Variants in SUGCT observed in about 807,000 individuals in gnomAD.
SUGCT encodes the protein succinyl-CoA:glutarate-CoA transferase.
A neutral mutation model predicts 55.0 loss-of-function variants in SUGCT; 41 were observed. That is an observed-to-expected ratio of 0.74 (90% CI 0.58 to 0.97). SUGCT has a LOEUF of 0.97. SUGCT is among the 50% of genes least tolerant of loss of function. SUGCT has a pLI of 0.00. For synonymous variants in SUGCT, 187 were observed against 200.4 expected, an observed-to-expected ratio of 0.93 and a Z score of 0.56; for missense variants, 568 against 547.8, an observed-to-expected ratio of 1.04 and a Z score of -0.37.
At chr7:40,318,728 T>C (rs1795565774) in intron 9 of SUGCT, among the ~76,000 whole-genome samples, 1 of 152,244 alleles carries the variant, frequency 6.6e-6, no homozygotes. Flanking sequence ...TGAGCCACCA[T>C]GCCTGGCCTG....
chr7:40,526,153 A>G (rs768750874), intron 12 of SUGCT, among the ~76,000 whole-genome samples: 10 of 152,184 alleles, frequency 6.6e-5, no homozygotes, highest in Non-Finnish European at 1.2e-4. Flanking sequence ...CTCTGTTGCC[A>G]TTGATAGATG....
At chr7:40,914,183 G>C in the SUGCT span, among the ~76,000 whole-genome samples, 4 of 151,556 alleles carry the variant, frequency 2.6e-5, no homozygotes, top group African/African-American at 9.7e-5. Context: ...AGGGTTCCAG[G>C]CTTGTCCTAA....
chr7:40,562,298 C>CAA (rs113046606), intron 12 of SUGCT, among the ~76,000 whole-genome samples: 7,440 of 91,856 alleles, frequency 0.081, 259 homozygotes, highest in Middle Eastern at 0.16. Flanking sequence ...GATTCCGTCT[C>CAA]AAAAAAAAAA....
At chr7:40,493,249 A>G (rs1397683343) in intron 11 of SUGCT, among the ~76,000 whole-genome samples, 1 of 152,190 alleles carries the variant, frequency 6.6e-6, no homozygotes, top group Non-Finnish European at 1.5e-5. Flanking sequence ...TGAGTTTCCT[A>G]TTGGTCAAAT....
At chr7:40,643,208 T>C (rs1489180665) in intron 12 of SUGCT, among the ~76,000 whole-genome samples, 2 of 152,156 alleles carry the variant, frequency 1.3e-5, no homozygotes, top group Non-Finnish European at 2.9e-5. Flanking sequence ...TAAGAAGAAA[T>C]TAGACTGGTA....
At chr7:40,510,487 G>A (rs1049623034) in intron 12 of SUGCT, among the ~76,000 whole-genome samples, 6 of 152,026 alleles carry the variant, frequency 3.9e-5, no homozygotes, top group African/African-American at 1.2e-4. Context: ...GTCGGGGTGA[G>A]GGAGGAAAAA....
At chr7:40,977,955 C>T in the SUGCT span, among the ~76,000 whole-genome samples, 1 of 152,172 alleles carries the variant, frequency 6.6e-6, no homozygotes, top group African/African-American at 2.4e-5. Context: ...ACCCTTAAAC[C>T]TCGGCCATCT....
chr7:40,997,318 C>T, the SUGCT span, among the ~76,000 whole-genome samples: 1,283 of 152,284 alleles, frequency 8.4e-3, 19 homozygotes, highest in African/African-American at 0.028. Flanking sequence ...CAGGTCCTGC[C>T]ATCCCTCACC....
chr7:40,490,542 GT>G (rs1355066879), intron 11 of SUGCT, among the ~76,000 whole-genome samples: 1 of 152,148 alleles, frequency 6.6e-6, no homozygotes, highest in Non-Finnish European at 1.5e-5. Flanking sequence ...TTTCATTACA[GT>G]TTTTCTCAGT....
At chr7:40,657,722 G>A (rs1025125606) in intron 12 of SUGCT, among the ~76,000 whole-genome samples, 3 of 152,204 alleles carry the variant, frequency 2.0e-5, no homozygotes, top group Non-Finnish European at 4.4e-5. Flanking sequence ...TTTTAGTGGA[G>A]ACGGGGTTTC....
At chr7:41,032,188 G>C in the SUGCT span, among the ~76,000 whole-genome samples, 1 of 152,270 alleles carries the variant, frequency 6.6e-6, no homozygotes, top group Non-Finnish European at 1.5e-5. Flanking sequence ...TCCCCAGATA[G>C]GCCAAGTGCA....
At chr7:40,373,122 T>A (rs1426965993) in intron 9 of SUGCT, among the ~76,000 whole-genome samples, 1 of 151,880 alleles carries the variant, frequency 6.6e-6, no homozygotes, top group Non-Finnish European at 1.5e-5. Context: ...TCAGAAGAAG[T>A]AACACTATCG....
chr7:40,628,914 G>T (rs1799653211), intron 12 of SUGCT, among the ~76,000 whole-genome samples: 1 of 152,074 alleles, frequency 6.6e-6, no homozygotes, highest in Non-Finnish European at 1.5e-5. Context: ...CTAATTTTTT[G>T]TATTTTTGGT....
intron 13 of SUGCT, among the ~76,000 whole-genome samples, chr7:40,838,873 T>C (rs978945773): frequency 3.3e-5 from 5 of 152,114 alleles, no homozygotes; most frequent in African/African-American, 7.2e-5. Flanking sequence ...AAGGTAGCTA[T>C]TGGGTTTTGT....
the SUGCT span, among the ~76,000 whole-genome samples, chr7:41,010,568 G>A: frequency 1.3e-5 from 2 of 152,190 alleles, no homozygotes; most frequent in Non-Finnish European, 2.9e-5. Flanking sequence ...CTGGAACAGA[G>A]GGAACTTGGA....
intron 13 of SUGCT, among the ~76,000 whole-genome samples, chr7:40,776,319 G>T (rs1049982904): frequency 6.6e-6 from 1 of 152,194 alleles, no homozygotes; most frequent in African/African-American, 2.4e-5. Context: ...GGAGACTCCA[G>T]CCTTATTTAG....
chr7:40,156,834 G>T (rs141396122), intron 1 of SUGCT, among the ~76,000 whole-genome samples: 2,550 of 152,080 alleles, frequency 0.017, 70 homozygotes, highest in African/African-American at 0.06. Flanking sequence ...GGCCAACGTG[G>T]TGAAACCCCC....
chr7:40,827,117 A>G (rs1164184203), intron 13 of SUGCT, among the ~76,000 whole-genome samples: 1 of 152,354 alleles, frequency 6.6e-6, no homozygotes, highest in East Asian at 1.9e-4. Context: ...GAAGAAGCTC[A>G]GTGTACTTAG....
At chr7:40,217,492 A>G (rs1456572856) in intron 6 of SUGCT, 10 of 433,904 alleles carry the variant, frequency 2.3e-5, no homozygotes, top group Non-Finnish European at 4.2e-5. Flanking sequence ...GATTACAGGA[A>G]TGAGCCACCG....
Sources: gnomAD v4.1 joint callset for allele counts (sites outside exome capture counted in the v4.1 genomes callset) on GRCh38, gnomAD v4.1.1 for gene constraint, MANE v1.5 for transcripts, NCBI Gene and HGNC (gene_info 2026-07-23, HGNC 2026-07-21) for gene names.